AFF2: variants seen among roughly 807,000 people sequenced by gnomAD.
AFF2 encodes ALF transcription elongation factor 2.
A neutral mutation model predicts 76.9 loss-of-function variants in AFF2; 14 were observed. That is an observed-to-expected ratio of 0.18 (90% CI 0.12 to 0.28). AFF2 has a LOEUF of 0.28. Among genes scored for constraint, AFF2 ranks in the 10% least tolerant of loss-of-function variants. The pLI is 1.00. For synonymous variants in AFF2, 398 were observed against 366.7 expected (o/e 1.09, Z -0.98); for missense variants, 868 against 1,001.1 (o/e 0.87, Z 1.79).
chrX:148,829,326 T>G (rs1464663291), intron 4 of AFF2, among the ~76,000 whole-genome samples: 1 of 112,088 alleles, frequency 8.9e-6, no homozygotes, highest in African/African-American at 3.2e-5. Context: ...TTAACAGCAT[T>G]CCAAATAGAA....
intron 3 of AFF2, among the ~76,000 whole-genome samples, chrX:148,797,823 C>T (rs1343109286): frequency 1.8e-5 from 2 of 112,173 alleles, no homozygotes; most frequent in African/African-American, 6.5e-5. Context: ...GTCATGCAAG[C>T]TGACTTTGGT....
intron 3 of AFF2, among the ~76,000 whole-genome samples, chrX:148,746,198 A>G (rs1023483679): frequency 3.6e-5 from 4 of 112,376 alleles, no homozygotes; most frequent in Admixed American, 9.4e-5. Context: ...ACAAATAGCA[A>G]TAGTCTTCTA....
At chrX:148,734,973 T>C (rs2055268140) in intron 3 of AFF2, among the ~76,000 whole-genome samples, 1 of 111,894 alleles carries the variant, frequency 8.9e-6, no homozygotes. Flanking sequence ...ACACTAGAAC[T>C]TCACCTTGAA....
chrX:148,876,797 T>C (rs1156378072), intron 7 of AFF2, among the ~76,000 whole-genome samples: 1 of 111,393 alleles, frequency 9.0e-6, no homozygotes, highest in Admixed American at 9.5e-5. Flanking sequence ...GAACCACAGC[T>C]AATCTGAGCC....
intron 3 of AFF2, among the ~76,000 whole-genome samples, chrX:148,766,440 T>C: frequency 9.1e-6 from 1 of 109,578 alleles, no homozygotes; most frequent in East Asian, 2.9e-4. Flanking sequence ...TTGATTTGCA[T>C]TTCTCTGATG....
chrX:148,779,622 T>G (rs1296333249), intron 3 of AFF2, among the ~76,000 whole-genome samples: 1 of 111,900 alleles, frequency 8.9e-6, no homozygotes, highest in African/African-American at 3.3e-5. Context: ...CATCCCTTTA[T>G]TTTGAGCCTA....
chrX:148,951,241 G>A (rs952580047), intron 9 of AFF2, among the ~76,000 whole-genome samples: 1 of 110,991 alleles, frequency 9.0e-6, no homozygotes, highest in African/African-American at 3.3e-5. Flanking sequence ...ATTTAGCTGA[G>A]GAATAAGTTG....
intron 3 of AFF2, among the ~76,000 whole-genome samples, chrX:148,720,955 C>T (rs1411503339): frequency 9.0e-6 from 1 of 111,572 alleles, no homozygotes; most frequent in East Asian, 2.8e-4. Flanking sequence ...GATATTTGTC[C>T]TCCATAGAGA....
chrX:148,897,611 T>C (rs2071309846), intron 8 of AFF2, among the ~76,000 whole-genome samples: 1 of 108,883 alleles, frequency 9.2e-6, no homozygotes, highest in South Asian at 4.1e-4. Flanking sequence ...GCCAATTAGG[T>C]TTTTGAATAT....
intron 3 of AFF2, among the ~76,000 whole-genome samples, chrX:148,742,441 T>A (rs1398200980): frequency 1.8e-5 from 2 of 111,948 alleles, no homozygotes; most frequent in Non-Finnish European, 3.8e-5. Flanking sequence ...CTATTATGTA[T>A]GAGTTTGTAG....
intron 1 of AFF2, among the ~76,000 whole-genome samples, chrX:148,563,306 CA>C (rs1175934250): frequency 2.7e-5 from 3 of 111,817 alleles, no homozygotes; most frequent in African/African-American, 9.8e-5. Flanking sequence ...TAAGCATGGG[CA>C]GGGGGATCTG....
intron 1 of AFF2, among the ~76,000 whole-genome samples, chrX:148,522,346 G>T (rs2052611314): frequency 8.9e-6 from 1 of 112,653 alleles, no homozygotes; most frequent in African/African-American, 3.2e-5. Context: ...AGTCCATCTG[G>T]TGATAGGGAC....
At chrX:148,729,816 T>C (rs1680680460) in intron 3 of AFF2, among the ~76,000 whole-genome samples, 1 of 112,187 alleles carries the variant, frequency 8.9e-6, no homozygotes, top group African/African-American at 3.2e-5. Flanking sequence ...TTGGCTTGAC[T>C]TGGCCAGATA....
chrX:148,665,355 G>A (rs2054347607), intron 3 of AFF2, among the ~76,000 whole-genome samples: 1 of 111,899 alleles, frequency 8.9e-6, no homozygotes, highest in African/African-American at 3.3e-5. Flanking sequence ...CTTTGGTGAT[G>A]GTACAAACAG....
chrX:148,601,270 A>G (rs1410947765), intron 1 of AFF2, among the ~76,000 whole-genome samples: 1 of 112,349 alleles, frequency 8.9e-6, no homozygotes, highest in East Asian at 2.8e-4. Flanking sequence ...CTTTGAGACC[A>G]CTAGAGGTAC....
intron 9 of AFF2, among the ~76,000 whole-genome samples, chrX:148,952,674 C>T (rs782062346): frequency 4.5e-5 from 5 of 111,978 alleles, no homozygotes; most frequent in Non-Finnish European, 9.4e-5. Flanking sequence ...AGCAAACGAT[C>T]GGTATGGAGG....
At chrX:148,777,757 A>T (rs1416702360) in intron 3 of AFF2, among the ~76,000 whole-genome samples, 2 of 112,113 alleles carry the variant, frequency 1.8e-5, no homozygotes. Flanking sequence ...TTGGGCTGAG[A>T]TGATAGGGTT....
At chrX:148,974,077 C>T (rs1355937293) in intron 16 of AFF2, among the ~76,000 whole-genome samples, 2 of 111,278 alleles carry the variant, frequency 1.8e-5, no homozygotes, top group Non-Finnish European at 3.8e-5. Flanking sequence ...AGTAGACTTT[C>T]CATGCATCTG....
At chrX:148,526,624 G>T (rs1651410960) in intron 1 of AFF2, among the ~76,000 whole-genome samples, 1 of 110,733 alleles carries the variant, frequency 9.0e-6, no homozygotes, top group Admixed American at 9.7e-5. Flanking sequence ...AAGGGGATAG[G>T]TATACCTTTA....
Sources: gnomAD v4.1 joint callset for allele counts (sites outside exome capture counted in the v4.1 genomes callset) on GRCh38, gnomAD v4.1.1 for gene constraint, MANE v1.5 for transcripts, NCBI Gene and HGNC (gene_info 2026-07-23, HGNC 2026-07-21) for gene names.